BNC2: variants seen among roughly 807,000 people sequenced by gnomAD.
The protein encoded by BNC2 is basonuclin zinc finger protein 2.
BNC2 carries 20 observed loss-of-function variants against 76.3 expected under a neutral mutation model. The observed-to-expected ratio is 0.26, with a 90% CI of 0.18 to 0.38. The LOEUF (loss-of-function observed/expected upper bound fraction) is 0.38, where lower values mean the gene tolerates loss of function less well. Ranked by LOEUF, BNC2 falls within the 10% of genes least tolerant of loss-of-function variation. BNC2 has a pLI of 1.00. For missense variants in BNC2, 1,382 were observed against 1,399.8 expected, an observed-to-expected ratio of 0.99 and a Z score of 0.20; for synonymous variants, 582 against 514.8, an observed-to-expected ratio of 1.13 and a Z score of -1.77.
chr9:16,717,936 C>A (rs1343849109), intron 3 of BNC2, among the ~76,000 whole-genome samples: 1 of 152,166 alleles, frequency 6.6e-6, no homozygotes, highest in Non-Finnish European at 1.5e-5. Context: ...ACTGTTTACA[C>A]AAGTTAAAAC....
chr9:16,714,715 G>A (rs1823948016), intron 3 of BNC2, among the ~76,000 whole-genome samples: 1 of 152,084 alleles, frequency 6.6e-6, no homozygotes, highest in South Asian at 2.1e-4. Flanking sequence ...ATATACCTAG[G>A]CCCCATTTGC....
chr9:16,613,028 C>T (rs1313379994), intron 3 of BNC2, among the ~76,000 whole-genome samples: 1 of 152,140 alleles, frequency 6.6e-6, no homozygotes, highest in Non-Finnish European at 1.5e-5. Context: ...GGAGGTAAAG[C>T]AGCATGGGGC....
Position 16,417,171 on chromosome 9 carries a change from C to CA in BNC2, c.*1817dup, listed in dbSNP as rs886311356. On this transcript the variant is annotated 3_prime_UTR_variant, in exon 7 of 7. Transcript: ENST00000380672. Reference sequence around the variant, plus strand: ...AGGAAAAAAGAAAAAAAAAAGACAACAAAACAGTCTGCAATGCACACCCTA... The same window carrying CA: ...AGGAAAAAAGAAAAAAAAAAGACAACAAAAACAGTCTGCAATGCACACCCTA... The CA allele has an allele frequency of 3.3e-5, 5 of 152,172 alleles. No homozygotes were observed. The highest frequency in any genetic ancestry group is 1.3e-4 in the Admixed American group (2 of 15,248). The allele number at this position is 152,172 out of a possible 1,614,324, so 9.4% of individuals were successfully genotyped here. A position where few individuals can be genotyped will look rare whatever the true frequency, so the allele number is the denominator to read the frequency against.
intron 3 of BNC2, among the ~76,000 whole-genome samples, chr9:16,635,221 T>C (rs1461224844): frequency 6.6e-6 from 1 of 152,220 alleles, no homozygotes; most frequent in Non-Finnish European, 1.5e-5. Flanking sequence ...CCATGTCATA[T>C]TAGTTACAAG....
chr9:16,766,810 C>T (rs566905844), intron 1 of BNC2, among the ~76,000 whole-genome samples: 1 of 152,274 alleles, frequency 6.6e-6, no homozygotes, highest in East Asian at 1.9e-4. Flanking sequence ...CTTTGCTTTT[C>T]CTGAAGAGTC....
chr9:16,507,978 G>T (rs2131873169), intron 5 of BNC2, among the ~76,000 whole-genome samples: 1 of 152,272 alleles, frequency 6.6e-6, no homozygotes, highest in East Asian at 1.9e-4. Flanking sequence ...GCAAATTACA[G>T]AAAATTTTAG....
intron 3 of BNC2, among the ~76,000 whole-genome samples, chr9:16,624,751 C>G (rs1820947318): frequency 6.6e-6 from 1 of 152,052 alleles, no homozygotes; most frequent in Non-Finnish European, 1.5e-5. Flanking sequence ...TAAAAAAAAT[C>G]AAAGTTATTT....
In BNC2 at chr9:16,718,445, C is replaced by T. The variant is rs149559671; in HGVS notation, c.330+9352G>A. ...TAACATATTTTAAGCTCCATTCAGT[C>T]CCATGATTACTTTCCAAAGTTGTCC... is the stretch of plus-strand genomic sequence containing the variant. On this transcript the variant is annotated intron_variant, in intron 3 of 6. Transcript: ENST00000380672. Among the ~76,000 whole-genome samples, 434 of 152,272 alleles carry T rather than the reference C, an allele frequency of 2.9e-3. 2 individuals are homozygous for T. The highest frequency in any genetic ancestry group is 3.4e-3 in the Non-Finnish European group (228 of 68,028).
At chr9:16,558,477 T>C (rs1485114710) in intron 4 of BNC2, among the ~76,000 whole-genome samples, 3 of 152,184 alleles carry the variant, frequency 2.0e-5, no homozygotes. Flanking sequence ...GAATCTTCTG[T>C]TACATGAGCC....
chr9:16,618,763 G>A (rs1409254227), intron 3 of BNC2, among the ~76,000 whole-genome samples: 2 of 152,136 alleles, frequency 1.3e-5, no homozygotes, highest in African/African-American at 4.8e-5. Context: ...TAATTGTGCT[G>A]GTGCTCTCTG....
chr9:16,443,659 G>T (rs1821174528), intron 5 of BNC2, among the ~76,000 whole-genome samples: 1 of 152,184 alleles, frequency 6.6e-6, no homozygotes, highest in Non-Finnish European at 1.5e-5. Flanking sequence ...GAATAGTACT[G>T]CACAATAAAA....
At chr9:16,745,166 AAAGGTGTAGCCAAGCGCCTAGCAT>A in intron 1 of BNC2, among the ~76,000 whole-genome samples, 1 of 152,230 alleles carries the variant, frequency 6.6e-6, no homozygotes, top group Admixed American at 6.5e-5. Context: ...TATTAGTGCA[AAAGGTGTAGCCAAGCGCCTAGCAT>A]ACAAGTACTA....
intron 3 of BNC2, among the ~76,000 whole-genome samples, chr9:16,695,607 T>G (rs1328927783): frequency 6.6e-6 from 1 of 150,436 alleles, no homozygotes; most frequent in East Asian, 2.0e-4. Flanking sequence ...ACTCCTGGCC[T>G]CAAGTGATCC....
At chr9:16,426,867 T>C (rs1820812393) in intron 6 of BNC2, among the ~76,000 whole-genome samples, 2 of 152,206 alleles carry the variant, frequency 1.3e-5, no homozygotes, top group East Asian at 1.9e-4. Context: ...ACTCCCAACA[T>C]CCCAGTCATA....
At chr9:16,499,788 C>T (rs550123093) in intron 5 of BNC2, among the ~76,000 whole-genome samples, 3 of 152,028 alleles carry the variant, frequency 2.0e-5, no homozygotes, top group Non-Finnish European at 4.4e-5. Context: ...GCCTCAGCCT[C>T]CCAAAGTGCT....
intron 3 of BNC2, among the ~76,000 whole-genome samples, chr9:16,677,590 C>T (rs1373467718): frequency 6.6e-6 from 1 of 151,484 alleles, no homozygotes; most frequent in Non-Finnish European, 1.5e-5. Flanking sequence ...CACACACACA[C>T]ACACACACAC....
At chr9:16,699,278 G>C (rs1823438343) in intron 3 of BNC2, 2 of 461,422 alleles carry the variant, frequency 4.3e-6, no homozygotes, top group African/African-American at 2.0e-5. Context: ...CATGGGTTAG[G>C]AGGAGGAAGA....
intron 5 of BNC2, among the ~76,000 whole-genome samples, chr9:16,488,163 CA>C (rs1159852800): frequency 1.3e-5 from 2 of 152,106 alleles, no homozygotes; most frequent in Non-Finnish European, 2.9e-5. Context: ...TGAGATTAGC[CA>C]AAAACCTTAA....
chr9:16,760,048 G>C (rs1338133991), intron 1 of BNC2, among the ~76,000 whole-genome samples: 5 of 152,150 alleles, frequency 3.3e-5, no homozygotes, highest in African/African-American at 4.8e-5. Context: ...TACGAGCTAA[G>C]TATTTTCTGA....
Sources: gnomAD v4.1 joint callset for allele counts (sites outside exome capture counted in the v4.1 genomes callset) on GRCh38, gnomAD v4.1.1 for gene constraint, MANE v1.5 for transcripts, NCBI Gene and HGNC (gene_info 2026-07-23, HGNC 2026-07-21) for gene names.